The following HDLBP variants were observed in gnomAD, a reference collection of about 807,000 sequenced individuals.
HDLBP encodes the protein vigilin.
In HDLBP, 30 loss-of-function variants were observed where a neutral mutation model predicts 137.3. That is an observed-to-expected ratio of 0.22 (90% CI 0.16 to 0.30). The LOEUF (loss-of-function observed/expected upper bound fraction) is 0.30. Among genes scored for constraint, HDLBP ranks in the 10% least tolerant of loss-of-function variants. HDLBP has a pLI of 1.00. For synonymous variants in HDLBP, 606 were observed against 596.0 expected (o/e 1.02, Z -0.24); for missense variants, 1,119 against 1,667.3 (o/e 0.67, Z 5.73).
intron 1 of HDLBP, among the ~76,000 whole-genome samples, chr2:241,301,000 C>A (rs982887185): frequency 6.8e-6 from 1 of 147,598 alleles, no homozygotes; most frequent in South Asian, 2.2e-4. Flanking sequence ...TATTTTGAGA[C>A]GAGTCTCACT....
chr2:241,233,730 C>A lies in HDLBP; in HGVS notation c.3288+90G>T. ...CACTCTCAACTTGGCCCTCGAACCC[C>A]CATCTAGGCACATCTGGTTACTGCT... On this transcript the variant is annotated intron_variant, in intron 24 of 27. Transcript: ENST00000310931. This position sits in a 1 kb window ranked among gnomAD's most constrained non-coding sequence, Gnocchi z 4.3. The A allele has an allele frequency of 6.8e-7, 1 of 1,463,740 alleles. No homozygotes were observed. The highest frequency in any genetic ancestry group is 9.4e-7 in the Non-Finnish European group (1 of 1,059,022). The allele number at this position is 1,463,740 out of a possible 1,614,324, so 90.7% of individuals were successfully genotyped here.
At chr2:241,293,148 C>T (rs2075060854) in intron 1 of HDLBP, among the ~76,000 whole-genome samples, 1 of 150,550 alleles carries the variant, frequency 6.6e-6, no homozygotes, top group South Asian at 2.1e-4. Flanking sequence ...ACTAAGCATT[C>T]AAGTCAAGAT....
chr2:241,275,184 C>T (rs982176328), intron 1 of HDLBP, among the ~76,000 whole-genome samples: 2 of 151,660 alleles, frequency 1.3e-5, no homozygotes, highest in Non-Finnish European at 2.9e-5. Context: ...AATTCCCCCC[C>T]ACCCCGCCTC....
intron 1 of HDLBP, among the ~76,000 whole-genome samples, chr2:241,300,238 G>A (rs2075345803): frequency 2.0e-5 from 3 of 151,870 alleles, no homozygotes; most frequent in Admixed American, 6.6e-5. Context: ...AGTAGAAGGC[G>A]GGCGCCCCCC....
intron 1 of HDLBP, among the ~76,000 whole-genome samples, chr2:241,279,000 G>T (rs1250948033): frequency 6.6e-6 from 1 of 152,076 alleles, no homozygotes. Flanking sequence ...ACTGCCGCGT[G>T]AGCAACAGCG....
chr2:241,251,491 G>A (rs189152299), intron 11 of HDLBP, among the ~76,000 whole-genome samples: 1 of 152,308 alleles, frequency 6.6e-6, no homozygotes, highest in African/African-American at 2.4e-5. Context: ...ATACACGGAC[G>A]TCAGTCATGT....
At chr2:241,297,770 A>C (rs1242545828) in intron 1 of HDLBP, among the ~76,000 whole-genome samples, 3 of 152,134 alleles carry the variant, frequency 2.0e-5, no homozygotes, top group Non-Finnish European at 4.4e-5. Context: ...GAGAATAATG[A>C]GGACATATCA....
intron 22 of HDLBP, 112 bp from the exon 23 acceptor site, chr2:241,235,367 A>T (rs2070281582): frequency 6.6e-7 from 1 of 1,521,520 alleles, no homozygotes; most frequent in Admixed American, 1.7e-5. Context: ...CGTGAAGGGA[A>T]GTCAGTGCCC....
At chr2:241,245,050 T>C (rs1326140412) in intron 16 of HDLBP, among the ~76,000 whole-genome samples, 1 of 151,996 alleles carries the variant, frequency 6.6e-6, no homozygotes, top group African/African-American at 2.4e-5. Context: ...GCTATGTATA[T>C]TTTACCACAA....
intron 1 of HDLBP, among the ~76,000 whole-genome samples, chr2:241,277,560 C>T (rs561424479): frequency 2.4e-4 from 37 of 152,126 alleles, no homozygotes; most frequent in Non-Finnish European, 4.0e-4. Flanking sequence ...GTCAAAAACT[C>T]GAAAACAGAT....
At chr2:241,251,015 T>TA in intron 11 of HDLBP, 1 of 152,246 alleles carries the variant, frequency 6.6e-6, no homozygotes, top group East Asian at 1.9e-4. Flanking sequence ...TCACCCAGGC[T>TA]AAAATGCAGT....
At chr2:241,289,039 T>C (rs1479667663) in intron 1 of HDLBP, among the ~76,000 whole-genome samples, 1 of 152,258 alleles carries the variant, frequency 6.6e-6, no homozygotes, top group African/African-American at 2.4e-5. Flanking sequence ...AACTCTGTTA[T>C]GGATACAAAG....
chr2:241,280,052 C>G (rs188646169), intron 1 of HDLBP: 467 of 985,392 alleles, frequency 4.7e-4, no homozygotes, highest in Middle Eastern at 5.2e-4. Context: ...CAGGCGCCCA[C>G]CACTTCCTTG....
Position 241,238,001 on chromosome 2 carries a change from C to T in HDLBP, c.2749+648G>A, listed in dbSNP as rs2070768755. 6.6e-6 allele frequency among the ~76,000 whole-genome samples: 1 copy of T among 152,230 alleles called. No individual in the cohort carries two copies. Among genetic ancestry groups the T allele is most frequent in the Admixed American group, 6.5e-5 (1 of 15,284 alleles). On this transcript the variant is annotated intron_variant, in intron 20 of 27. Transcript: ENST00000310931. The surrounding 1 kb of genome is among the most constrained non-coding windows in gnomAD (Gnocchi z 4.9). ...CAGCAGGCTGCAGGGCCACCTGCCG[C>T]CCAAACAGCTCAACCAAGACTGATA...
chr2:241,299,429 AT>A, intron 1 of HDLBP, among the ~76,000 whole-genome samples: 1 of 148,442 alleles, frequency 6.7e-6, no homozygotes, highest in East Asian at 2.0e-4. Flanking sequence ...AGGCAGGAGA[AT>A]CACTACTTGA....
Position 241,243,174 on chromosome 2 carries a change from G to A in HDLBP, c.1951-496C>T, listed in dbSNP as rs62186364. Among the ~76,000 whole-genome samples the A allele has an allele frequency of 5.6e-3, 858 of 152,308 alleles. 2 individuals carry two copies. Among genetic ancestry groups the A allele is most frequent in the Non-Finnish European group, 8.6e-3 (585 of 68,026 alleles). On this transcript the variant is annotated intron_variant, in intron 16 of 27. Transcript: ENST00000310931. ...TCAAGACCCTGGAGACAGGAAACAA[G>A]GTGAGCCCTACAGCTGCCCCAAGTT...
At chr2:241,264,071 T>A (rs1335986656) in intron 4 of HDLBP, among the ~76,000 whole-genome samples, 1 of 138,756 alleles carries the variant, frequency 7.2e-6, no homozygotes, top group Non-Finnish European at 1.7e-5. Flanking sequence ...TTTTTAAAAA[T>A]TTAAAAAACT....
chr2:241,240,567 C>T lies in HDLBP; in HGVS notation c.2170-445G>A, dbSNP rs1177564932. Among the ~76,000 whole-genome samples the T allele has an allele frequency of 6.6e-6, 1 of 152,178 alleles. No individual in the cohort carries two copies. Among genetic ancestry groups the T allele is most frequent in the Non-Finnish European group, 1.5e-5 (1 of 68,016 alleles). ...CATGCTCCCACTCTTCTACCTGCTT[C>T]CAGACCAAGCACACACAAATCTGGG... On this transcript the variant is annotated intron_variant, in intron 17 of 27. Coordinates refer to ENST00000310931, the MANE Select transcript of HDLBP (RefSeq NM_005336.6). The surrounding 1 kb of genome is among the most constrained non-coding windows in gnomAD (Gnocchi z 5.5).
At chr2:241,279,398 C>T (rs1439914970) in intron 1 of HDLBP, among the ~76,000 whole-genome samples, 1 of 152,080 alleles carries the variant, frequency 6.6e-6, no homozygotes, top group African/African-American at 2.4e-5. Flanking sequence ...CATATTTACA[C>T]AACAAAATTT....
Sources: allele counts gnomAD v4.1 joint callset (sites outside exome capture counted in the v4.1 genomes callset), GRCh38; gene constraint gnomAD v4.1.1; non-coding constraint Gnocchi (gnomAD v3.1); transcripts MANE v1.5; gene names NCBI Gene and HGNC (gene_info 2026-07-23, HGNC 2026-07-21).